Variants in ZNF676 observed in about 807,000 individuals in gnomAD.
ZNF676 encodes the protein zinc finger protein 676.
ZNF676 carries 4 observed loss-of-function variants against 6.0 expected under a neutral mutation model. The observed-to-expected ratio is 0.67, with a 90% CI of 0.33 to 1.53. ZNF676 has a LOEUF of 1.53. ZNF676 is among the 40% of genes most tolerant of loss of function. ZNF676 has a pLI of 0.06. For synonymous variants in ZNF676, 198 were observed against 223.1 expected (o/e 0.89, Z 1.00); for missense variants, 644 against 679.7 (o/e 0.95, Z 0.58).
At chr19:22,215,514 A>T in intron 1 of ZNF676, 1 of 1,215,664 alleles carries the variant, frequency 8.2e-7, no homozygotes, top group Non-Finnish European at 1.2e-6. Flanking sequence ...AGGTCGAGCT[A>T]GGCAAGGAGA....
chr19:22,243,864 T>A, the ZNF676 span: 1 of 152,202 alleles, frequency 6.6e-6, no homozygotes, highest in African/African-American at 2.4e-5. Flanking sequence ...CCTGTGAGAT[T>A]CAGGAGCTCA....
intron 1 of ZNF676, among the ~76,000 whole-genome samples, chr19:22,208,554 A>C (rs952217457): frequency 5.9e-5 from 9 of 152,248 alleles, no homozygotes; most frequent in Non-Finnish European, 1.0e-4. Context: ...TTATTCTATC[A>C]TAAAGACACA....
At chr19:22,182,537 C>A (rs1018823433) in intron 2 of ZNF676, among the ~76,000 whole-genome samples, 2 of 75,014 alleles carry the variant, frequency 2.7e-5, no homozygotes, top group Non-Finnish European at 5.2e-5. Flanking sequence ...GAATTGTCAA[C>A]AAAAGATTTG....
the ZNF676 span, among the ~76,000 whole-genome samples, chr19:22,240,257 T>G: frequency 2.0e-5 from 3 of 151,792 alleles, no homozygotes; most frequent in Admixed American, 1.3e-4. Context: ...CTGTGATAAG[T>G]TACTATTTAT....
chr19:22,217,981 G>A (rs977346480), upstream of ZNF676, among the ~76,000 whole-genome samples: 7 of 152,158 alleles, frequency 4.6e-5, no homozygotes, highest in Admixed American at 4.6e-4. Context: ...TGGGATTACA[G>A]GCATGAGCCA....
intron 1 of ZNF676, 100 bp downstream of exon 1, chr19:22,196,500 G>A: frequency 1.3e-6 from 2 of 1,598,272 alleles, no homozygotes. Context: ...GTCTTTGTCT[G>A]TATTCTCGCA....
chr19:22,210,897 A>G (rs1184422379), intron 1 of ZNF676, among the ~76,000 whole-genome samples: 1 of 152,188 alleles, frequency 6.6e-6, no homozygotes, highest in African/African-American at 2.4e-5. Context: ...AACACTCCTA[A>G]GAACACACTG....
chr19:22,242,178 A>G, the ZNF676 span, among the ~76,000 whole-genome samples: 185 of 152,054 alleles, frequency 1.2e-3, 6 homozygotes, highest in African/African-American at 4.2e-3. Flanking sequence ...GCCAAGATGT[A>G]TGTAACAATC....
the ZNF676 span, among the ~76,000 whole-genome samples, chr19:22,239,409 T>C: frequency 6.6e-6 from 1 of 151,926 alleles, no homozygotes; most frequent in African/African-American, 2.4e-5. Context: ...CTCAATCTCC[T>C]GACCTCATGA....
chr19:22,194,392 C>T (rs932941423), intron 1 of ZNF676, among the ~76,000 whole-genome samples: 4 of 152,198 alleles, frequency 2.6e-5, no homozygotes, highest in Admixed American at 6.5e-5. Flanking sequence ...TGGGGAATTA[C>T]CTTAAAGCTT....
At chr19:22,226,763 A>AT in the ZNF676 span, among the ~76,000 whole-genome samples, 2 of 151,574 alleles carry the variant, frequency 1.3e-5, no homozygotes, top group Admixed American at 6.6e-5. Flanking sequence ...TGCCTGGCTC[A>AT]TTTTTTTGTA....
intron 1 of ZNF676, among the ~76,000 whole-genome samples, chr19:22,194,906 G>T (rs2023951375): frequency 6.6e-6 from 1 of 152,130 alleles, no homozygotes; most frequent in African/African-American, 2.4e-5. Flanking sequence ...ATTAGTTATA[G>T]GAGACAAACC....
chr19:22,186,156 A>G (rs1174018115), intron 2 of ZNF676, among the ~76,000 whole-genome samples: 1 of 152,210 alleles, frequency 6.6e-6, no homozygotes, highest in African/African-American at 2.4e-5. Context: ...CCACAAAGCA[A>G]AGCCCATCAG....
chr19:22,240,918 CATA>C, the ZNF676 span, among the ~76,000 whole-genome samples: 5 of 151,980 alleles, frequency 3.3e-5, no homozygotes, highest in Non-Finnish European at 1.5e-5. Flanking sequence ...AGAGATATTT[CATA>C]ATGTCCCCTG....
chr19:22,229,955 C>G, the ZNF676 span, among the ~76,000 whole-genome samples: 2 of 152,114 alleles, frequency 1.3e-5, no homozygotes, highest in African/African-American at 2.4e-5. Context: ...CCTCAAGGAT[C>G]TAGAATCAGA....
the ZNF676 span, among the ~76,000 whole-genome samples, chr19:22,227,962 T>G: frequency 1.3e-5 from 2 of 152,332 alleles, no homozygotes; most frequent in Middle Eastern, 3.4e-3. Flanking sequence ...CTTCTGAAAT[T>G]ATTCCAAACA....
the ZNF676 span, among the ~76,000 whole-genome samples, chr19:22,227,943 G>C: frequency 6.6e-6 from 1 of 152,176 alleles, no homozygotes; most frequent in Non-Finnish European, 1.5e-5. Flanking sequence ...AGAGGAGCTG[G>C]TACCAATTCT....
At chr19:22,187,414 A>G (rs1307710536) in intron 2 of ZNF676, among the ~76,000 whole-genome samples, 1 of 152,234 alleles carries the variant, frequency 6.6e-6, no homozygotes, top group Non-Finnish European at 1.5e-5. Flanking sequence ...CACAAGAGAA[A>G]GCAGGAAAGA....
intron 1 of ZNF676, among the ~76,000 whole-genome samples, chr19:22,202,687 A>C (rs1292986854): frequency 2.0e-5 from 3 of 152,200 alleles, no homozygotes; most frequent in Non-Finnish European, 4.4e-5. Flanking sequence ...AGACAGAAAG[A>C]CAGTCACCAT....
Sources: allele counts gnomAD v4.1 joint callset (sites outside exome capture counted in the v4.1 genomes callset), GRCh38; gene constraint gnomAD v4.1.1; transcripts MANE v1.5; gene names NCBI Gene and HGNC (gene_info 2026-07-23, HGNC 2026-07-21).